The following SLC13A1 variants were observed in gnomAD, a reference collection of about 807,000 sequenced individuals.
SLC13A1 encodes solute carrier family 13 member 1, also known as Na(+)/sulfate cotransporter.
SLC13A1 carries 65 observed loss-of-function variants against 70.0 expected under a neutral mutation model. The ratio of observed to expected loss-of-function variants is 0.93; its 90% confidence interval spans 0.76 to 1.14. The LOEUF is 1.14. Ranked by LOEUF, SLC13A1 falls within the 50% of genes most tolerant of loss-of-function variation. The pLI is 0.00. For missense variants in SLC13A1, 726 were observed against 717.8 expected (o/e 1.01, Z -0.13); for synonymous variants, 275 against 250.5 (o/e 1.10, Z -0.92).
Position 123,168,411 on chromosome 7 carries a change from T to C in SLC13A1, c.623A>G (p.Asp208Gly). ...KTKPVPGYNN[D>G]TGKISSKVEL... ...CACCTTGCTTGAAATTTTCCCTGTA[T>C]CATTATTGTATCTGAAAAATACATT... Residue 208 changes from aspartate (D) to glycine (G), a missense_variant, in exon 6 of 15, where the codon GAT becomes GGT. Transcript: ENST00000194130. 2 of 1,593,910 alleles carry C rather than the reference T, an allele frequency of 1.3e-6. No homozygotes were observed. Among genetic ancestry groups the C allele is most frequent in the Non-Finnish European group, 1.7e-6 (2 of 1,165,912 alleles).
intron 14 of SLC13A1, 100 bp from the exon 15 acceptor site, chr7:123,115,755 T>C (rs1793159388): frequency 1.7e-6 from 2 of 1,167,480 alleles, no homozygotes; most frequent in Non-Finnish European, 2.5e-6. Context: ...ACATGCATCC[T>C]AAATGATTAG....
At chr7:123,196,184 A>G (rs1796171928) in intron 1 of SLC13A1, among the ~76,000 whole-genome samples, 1 of 152,108 alleles carries the variant, frequency 6.6e-6, no homozygotes, top group South Asian at 2.1e-4. Context: ...CAAAATGAGA[A>G]AAACTCAGTG....
At chr7:123,189,483 C>T (rs987990275) in intron 1 of SLC13A1, among the ~76,000 whole-genome samples, 12 of 152,044 alleles carry the variant, frequency 7.9e-5, no homozygotes, top group African/African-American at 2.9e-4. Flanking sequence ...ATGACAACTC[C>T]TTCATCTTAT....
chr7:123,167,986 C>T (rs1795130104), intron 6 of SLC13A1, among the ~76,000 whole-genome samples: 1 of 151,866 alleles, frequency 6.6e-6, no homozygotes, highest in Non-Finnish European at 1.5e-5. Context: ...ATATATCAAA[C>T]CCCCAAAACA....
At chr7:123,167,987 C>T (rs1795130170) in intron 6 of SLC13A1, among the ~76,000 whole-genome samples, 1 of 151,784 alleles carries the variant, frequency 6.6e-6, no homozygotes, top group Non-Finnish European at 1.5e-5. Flanking sequence ...TATATCAAAC[C>T]CCCAAAACAT....
At chr7:123,143,577 A>G (rs1425338159) in intron 7 of SLC13A1, among the ~76,000 whole-genome samples, 1 of 152,166 alleles carries the variant, frequency 6.6e-6, no homozygotes, top group Non-Finnish European at 1.5e-5. Flanking sequence ...TGCTCTCTGC[A>G]ACATGCTGCC....
rs1406720993 is a variant in SLC13A1, at chr7:123,119,256, T to C, written c.1351-14A>G. 6.4e-7 allele frequency: 1 copy of C among 1,552,910 alleles called. No individual in the cohort carries two copies. The highest frequency in any genetic ancestry group is 1.7e-4 in the Middle Eastern group (1 of 5,830). On this transcript the variant is annotated splice_polypyrimidine_tract_variant and intron_variant, in intron 12 of 14. Coordinates refer to ENST00000194130, the MANE Select transcript of SLC13A1 (RefSeq NM_022444.4). ...TAATCCAGACTCCTAAAAAACAAAT[T>C]TGCAATATTTGTTACTCATGAATAA...
intron 6 of SLC13A1, among the ~76,000 whole-genome samples, chr7:123,154,759 C>T (rs999081381): frequency 6.6e-6 from 1 of 152,036 alleles, no homozygotes; most frequent in African/African-American, 2.4e-5. Flanking sequence ...GATAGGATAC[C>T]TAATTCACAT....
intron 6 of SLC13A1, among the ~76,000 whole-genome samples, chr7:123,152,312 G>A (rs1794582527): frequency 6.6e-6 from 1 of 152,030 alleles, no homozygotes; most frequent in South Asian, 2.1e-4. Context: ...ATGAATATGG[G>A]GAAGCAGATA....
At chr7:123,147,351 A>T (rs772011190) in intron 6 of SLC13A1, 41 bp from the exon 7 acceptor site, 1 of 1,601,800 alleles carries the variant, frequency 6.2e-7, no homozygotes, top group Admixed American at 1.7e-5. Flanking sequence ...GAACTGCTCT[A>T]TATTTGTTAT....
chr7:123,144,253 A>T (rs985861718), intron 7 of SLC13A1, among the ~76,000 whole-genome samples: 19 of 152,142 alleles, frequency 1.2e-4, no homozygotes, highest in African/African-American at 4.6e-4. Context: ...GAGATAAAAA[A>T]TTGGTAGTTA....
chr7:123,165,621 C>T (rs978290684), intron 6 of SLC13A1, among the ~76,000 whole-genome samples: 10 of 152,190 alleles, frequency 6.6e-5, no homozygotes, highest in Non-Finnish European at 1.0e-4. Context: ...CATATTGCCC[C>T]GCAGTTTTAA....
chr7:123,135,431 A>G (rs190942302), intron 7 of SLC13A1, among the ~76,000 whole-genome samples: 157 of 152,234 alleles, frequency 1.0e-3, no homozygotes, highest in African/African-American at 3.7e-3. Context: ...TTCTAAAAGC[A>G]ATAACATAAA....
intron 6 of SLC13A1, among the ~76,000 whole-genome samples, chr7:123,147,825 A>G (rs1276001312): frequency 6.6e-6 from 1 of 152,044 alleles, no homozygotes; most frequent in East Asian, 1.9e-4. Flanking sequence ...AATTTCATTC[A>G]TTTCTTCATC....
chr7:123,150,066 G>A (rs1398912531), intron 6 of SLC13A1, among the ~76,000 whole-genome samples: 2 of 152,138 alleles, frequency 1.3e-5, no homozygotes, highest in Non-Finnish European at 2.9e-5. Flanking sequence ...GCACAGTAGA[G>A]CAGATGGGAT....
At chr7:123,158,023 A>G (rs1563337196) in intron 6 of SLC13A1, among the ~76,000 whole-genome samples, 2 of 152,138 alleles carry the variant, frequency 1.3e-5, no homozygotes, top group African/African-American at 2.4e-5. Context: ...GAGAAATAGC[A>G]ATATAATTGA....
At chr7:123,189,114 CAAA>C (rs34956751) in intron 1 of SLC13A1, among the ~76,000 whole-genome samples, 1 of 99,508 alleles carries the variant, frequency 1.0e-5, no homozygotes, top group Non-Finnish European at 1.8e-5. Context: ...GACTCCGTCT[CAAA>C]AAAAAAAAAA....
chr7:123,158,819 C>T (rs1236143809), intron 6 of SLC13A1, among the ~76,000 whole-genome samples: 2 of 151,912 alleles, frequency 1.3e-5, no homozygotes, highest in East Asian at 1.9e-4. Context: ...AAAATAATAA[C>T]CTATCTAGCA....
intron 2 of SLC13A1, among the ~76,000 whole-genome samples, chr7:123,177,265 C>T (rs73429535): frequency 0.018 from 2,754 of 152,168 alleles, 94 homozygotes; most frequent in African/African-American, 0.062. Context: ...GGAAAGTTTG[C>T]TGATTTTACC....
Sources: allele counts gnomAD v4.1 joint callset (sites outside exome capture counted in the v4.1 genomes callset), GRCh38; gene constraint gnomAD v4.1.1; transcripts MANE v1.5; gene names NCBI Gene and HGNC (gene_info 2026-07-23, HGNC 2026-07-21).